Variants in NECAB1 observed in about 807,000 individuals in gnomAD.
NECAB1 encodes N-terminal EF-hand calcium-binding protein 1.
In NECAB1, 29 loss-of-function variants were observed where a neutral mutation model predicts 57.5. The ratio of observed to expected loss-of-function variants is 0.50; its 90% confidence interval spans 0.38 to 0.69. The LOEUF (loss-of-function observed/expected upper bound fraction) is 0.69, where lower values mean the gene tolerates loss of function less well. NECAB1 is among the 30% of genes least tolerant of loss of function. The pLI, the probability that NECAB1 is intolerant of heterozygous loss-of-function variation, is 0.00. For synonymous variants in NECAB1, 142 were observed against 147.7 expected, an observed-to-expected ratio of 0.96 and a Z score of 0.28; for missense variants, 372 against 413.8, an observed-to-expected ratio of 0.90 and a Z score of 0.88.
In NECAB1 at chr8:90,900,008, A is replaced by T. The variant is rs140262352; in HGVS notation, c.358-17484A>T. ...TTACTAAAACAACAATGAGCACTCA[A>T]TGGGGAGCCTTGAAGAGTACCTTAG... On this transcript the variant is annotated intron_variant, in intron 5 of 12. Transcript: ENST00000417640. Among the ~76,000 whole-genome samples the T allele has an allele frequency of 1.7e-3, 258 of 152,290 alleles. 1 individual carries two copies. Among genetic ancestry groups the T allele is most frequent in the African/African-American group, 6.0e-3 (250 of 41,570 alleles).
In NECAB1 at chr8:90,955,725, A is replaced by C; in HGVS notation, c.*213A>C. On this transcript the variant is annotated 3_prime_UTR_variant, in exon 13 of 13. Transcript: ENST00000417640. ...AAGTTCACTAATATTCTCAATATTT[A>C]ATGCTAAATGCTTTGCTACATTGTA... The C allele has an allele frequency of 2.3e-6, 1 of 442,998 alleles. No homozygotes were observed. The highest frequency in any genetic ancestry group is 4.0e-6 in the Non-Finnish European group (1 of 252,072). The allele number at this position is 442,998 out of a possible 1,614,324, so 27.4% of individuals were successfully genotyped here.
rs540148113 is a variant in NECAB1, at chr8:90,883,825, C to CA, written c.357+2702dup. Among the ~76,000 whole-genome samples, 13 of 152,200 alleles carry CA rather than the reference C, an allele frequency of 8.5e-5. No individual in the cohort carries two copies. The South Asian group carries it at 1.9e-3, about 22-fold the overall frequency. On this transcript the variant is annotated intron_variant, in intron 5 of 12. Transcript: ENST00000417640. Reference sequence around the variant, plus strand: ...GAATTTGGAATGTCTCACATACACACAAAAAAATAGCTTTGTCAATTAGTT... The same window carrying CA: ...GAATTTGGAATGTCTCACATACACACAAAAAAAATAGCTTTGTCAATTAGTT...
intron 3 of NECAB1, among the ~76,000 whole-genome samples, chr8:90,825,989 A>G (rs749018184): frequency 3.3e-5 from 5 of 151,990 alleles, no homozygotes; most frequent in Middle Eastern, 3.4e-3. Flanking sequence ...TAATTGAGCT[A>G]TGTACAGGAC....
intron 5 of NECAB1, among the ~76,000 whole-genome samples, chr8:90,892,580 T>C (rs1199266023): frequency 6.6e-6 from 1 of 152,194 alleles, no homozygotes. Context: ...TTGTGCTCTT[T>C]GCTTTATTCT....
chr8:90,886,269 A>T (rs1166858625), intron 5 of NECAB1, among the ~76,000 whole-genome samples: 1 of 152,106 alleles, frequency 6.6e-6, no homozygotes, highest in Non-Finnish European at 1.5e-5. Context: ...ATCCGAAAGC[A>T]TTCCAATAGG....
intron 3 of NECAB1, among the ~76,000 whole-genome samples, chr8:90,852,529 A>T (rs1812704273): frequency 6.6e-6 from 1 of 152,100 alleles, no homozygotes; most frequent in African/African-American, 2.4e-5. Flanking sequence ...GAGAACCTAC[A>T]TCCTTGTTTT....
At position 90,832,310 on chromosome 8, in the gene NECAB1, G is replaced by A. The variant is rs76536801; in HGVS notation, c.233+7485G>A. The stretch of plus-strand genomic sequence containing the variant: ...AAATCAGGCCACTCCACAACCTGCA[G>A]TGTGGATTGGGGCACTGCATTCTTC... On this transcript the variant is annotated intron_variant, in intron 3 of 12. Transcript: ENST00000417640. 2.8e-3 allele frequency among the ~76,000 whole-genome samples: 425 copies of A among 152,228 alleles called. 1 individual carries two copies. Among genetic ancestry groups the A allele is most frequent in the African/African-American group, 9.7e-3 (403 of 41,548 alleles).
chr8:90,921,461 G>A (rs974632135), intron 6 of NECAB1, among the ~76,000 whole-genome samples: 2 of 151,894 alleles, frequency 1.3e-5, no homozygotes, highest in Non-Finnish European at 2.9e-5. Context: ...CTGAGGTCAG[G>A]AGTTCGAGAC....
chr8:90,896,632 C>CAAAAACA (rs1554572853), intron 5 of NECAB1, among the ~76,000 whole-genome samples: 18 of 151,508 alleles, frequency 1.2e-4, no homozygotes, highest in South Asian at 4.2e-4. Context: ...AAAACAAAAA[C>CAAAAACA]AAAAAAAACA....
chr8:90,891,853 C>G (rs941132392), intron 5 of NECAB1, among the ~76,000 whole-genome samples: 1 of 152,038 alleles, frequency 6.6e-6, no homozygotes, highest in Non-Finnish European at 1.5e-5. Context: ...ACCACTGTGC[C>G]TGGCTAATTT....
At chr8:90,827,486 C>A (rs1812243464) in intron 3 of NECAB1, among the ~76,000 whole-genome samples, 1 of 151,990 alleles carries the variant, frequency 6.6e-6, no homozygotes, top group Non-Finnish European at 1.5e-5. Flanking sequence ...TAATACACTG[C>A]ATTTTCTTGA....
chr8:90,938,422 T>C (rs1586142835), intron 9 of NECAB1, among the ~76,000 whole-genome samples: 1 of 152,352 alleles, frequency 6.6e-6, no homozygotes, highest in South Asian at 2.1e-4. Context: ...TCAGGCTGTG[T>C]ATTTGACACA....
Position 90,953,358 on chromosome 8 carries a change from T to C in NECAB1, c.1031-2129T>C, listed in dbSNP as rs533613902. Among the ~76,000 whole-genome samples the C allele has an allele frequency of 1.6e-4, 25 of 152,366 alleles. 1 individual carries two copies. The South Asian group carries it at 5.2e-3, about 32-fold the overall frequency. ...AGTGTCATTGGCACATATATTACTC[T>C]TTCTCTCTCAGAGCATTTCCTAATT... On this transcript the variant is annotated intron_variant, in intron 12 of 12. Transcript: ENST00000417640.
intron 3 of NECAB1, among the ~76,000 whole-genome samples, chr8:90,841,995 T>G (rs921552461): frequency 1.3e-5 from 2 of 152,094 alleles, no homozygotes; most frequent in Admixed American, 6.5e-5. Context: ...TGAGAACACA[T>G]GGACACATGG....
rs189876393 is a variant in NECAB1, at chr8:90,807,344, C to T, written c.124+5629C>T. On this transcript the variant is annotated intron_variant, in intron 2 of 12. Coordinates refer to ENST00000417640, the MANE Select transcript of NECAB1 (RefSeq NM_022351.5). ...AGAATTGGTAATAGTCTTTCCAAAC[C>T]GGTCACCTAAAGTTTGGTTTATTCT... is the stretch of plus-strand genomic sequence containing the variant. 1.9e-3 allele frequency among the ~76,000 whole-genome samples: 296 copies of T among 152,202 alleles called. 1 individual carries two copies. The highest frequency in any genetic ancestry group is 3.2e-3 in the Non-Finnish European group (219 of 68,010).
chr8:90,857,656 G>A (rs983834657), intron 3 of NECAB1, among the ~76,000 whole-genome samples: 2 of 152,016 alleles, frequency 1.3e-5, no homozygotes, highest in Non-Finnish European at 2.9e-5. Context: ...TAAAAGATAG[G>A]CAATAGAGAA....
intron 10 of NECAB1, among the ~76,000 whole-genome samples, chr8:90,943,217 A>G (rs1172315274): frequency 6.6e-6 from 1 of 152,240 alleles, no homozygotes; most frequent in Admixed American, 6.5e-5. Flanking sequence ...CTCAATAACC[A>G]CAATAAATTG....
intron 5 of NECAB1, among the ~76,000 whole-genome samples, chr8:90,906,889 A>ATGTATATATATATATATGTATGTG (rs1370948313): frequency 1.4e-5 from 1 of 72,856 alleles, no homozygotes; most frequent in African/African-American, 5.7e-5. Context: ...ATATATATAT[A>ATGTATATATATATATATGTATGTG]TATATATATA....
chr8:90,802,563 T>G (rs1316163267), intron 2 of NECAB1, among the ~76,000 whole-genome samples: 1 of 152,230 alleles, frequency 6.6e-6, no homozygotes, highest in East Asian at 1.9e-4. Flanking sequence ...TTCCCTTTTT[T>G]GAAATCCCAT....
Sources: gnomAD v4.1 joint callset for allele counts (sites outside exome capture counted in the v4.1 genomes callset) on GRCh38, gnomAD v4.1.1 for gene constraint, MANE v1.5 for transcripts, NCBI Gene and HGNC (gene_info 2026-07-23, HGNC 2026-07-21) for gene names.